SH3GL1: variants seen among roughly 807,000 people sequenced by gnomAD.
SH3GL1 encodes the protein endophilin-A2.
SH3GL1 carries 21 observed loss-of-function variants against 48.8 expected under a neutral mutation model. That is an observed-to-expected ratio of 0.43 (90% CI 0.30 to 0.62). The LOEUF is 0.62. Ranked by LOEUF, SH3GL1 falls within the 20% of genes least tolerant of loss-of-function variation. SH3GL1 has a pLI of 0.11. For missense variants in SH3GL1, 454 were observed against 503.0 expected, an observed-to-expected ratio of 0.90 and a Z score of 0.93; for synonymous variants, 282 against 217.5, an observed-to-expected ratio of 1.30 and a Z score of -2.61.
chr19:4,361,937 G>A, intron 9 of SH3GL1, 141 bp from the exon 10 acceptor site: 1 of 649,678 alleles, frequency 1.5e-6, no homozygotes, highest in Non-Finnish European at 2.7e-6. Context: ...CCCTGCCCCT[G>A]CCACTTCTGG....
At chr19:4,372,019 G>A (rs1367571967) in intron 1 of SH3GL1, among the ~76,000 whole-genome samples, 1 of 152,118 alleles carries the variant, frequency 6.6e-6, no homozygotes, top group Admixed American at 6.5e-5. Flanking sequence ...TCACTATGTT[G>A]CCCAGGCTGG....
chr19:4,365,142 G>A (rs537817469), intron 4 of SH3GL1, among the ~76,000 whole-genome samples: 2 of 152,032 alleles, frequency 1.3e-5, no homozygotes, highest in African/African-American at 4.8e-5. Flanking sequence ...CCTAAAATCC[G>A]AATCGATGCT....
Position 4,362,727 on chromosome 19 carries a change from T to A in SH3GL1, c.738A>T (p.Glu246Asp), listed in dbSNP as rs1360789872. The change falls in exon 8 of 10, where the codon GAA (glutamate) becomes GAT (aspartate). Residue 246 changes from glutamate to aspartate, a missense_variant. Physicochemically the swap from Glu to Asp is conservative, Grantham distance 45. Transcript: ENST00000269886. ...ACTCCCGCTTAGGGCGTGAGGAAGC[T>A]TCCCGCATCCTGTGAAGGGAGAGGC... is the stretch of plus-strand genomic sequence containing the variant. ...LAEKLKRRMR[E>D]ASSRPKREYK... 5 of 1,613,982 alleles carry A rather than the reference T, an allele frequency of 3.1e-6. No homozygotes were observed. The highest frequency in any genetic ancestry group is 3.3e-5 in the Admixed American group (2 of 60,028).
At position 4,376,823 on chromosome 19, in the gene SH3GL1, G is replaced by A. The variant is rs1328873971; in HGVS notation, c.46-9829C>T. On this transcript the variant is annotated intron_variant, in intron 1 of 9. Transcript: ENST00000269886. The surrounding 1 kb of genome is among the most constrained non-coding windows in gnomAD (Gnocchi z 4.3). ...GCATTCCTCTTGCTTGCTTGTTTTC[G>A]GGTCCCCTGCTGTCCCGTCTCAGAC... Among the ~76,000 whole-genome samples, 1 of 151,948 alleles carries A rather than the reference G, an allele frequency of 6.6e-6. No individual in the cohort carries two copies. The highest frequency in any genetic ancestry group is 1.5e-5 in the Non-Finnish European group (1 of 67,982).
intron 9 of SH3GL1, 136 bp from the exon 10 acceptor site, chr19:4,361,932 C>T: frequency 1.5e-6 from 1 of 656,304 alleles, no homozygotes; most frequent in African/African-American, 1.8e-5. Flanking sequence ...CCACCCCCTG[C>T]CCCTGCCACT....
chr19:4,395,535 A>C (rs1361556158), intron 1 of SH3GL1: 3 of 152,238 alleles, frequency 2.0e-5, no homozygotes, highest in African/African-American at 7.2e-5. Context: ...CAGGAAATAC[A>C]GGTGCTCACC....
chr19:4,383,376 A>T (rs1973174388), intron 1 of SH3GL1, among the ~76,000 whole-genome samples: 1 of 151,370 alleles, frequency 6.6e-6, no homozygotes, highest in East Asian at 1.9e-4. Context: ...CACCACACAG[A>T]GTTATTTTTT....
intron 2 of SH3GL1, 151 bp from the exon 3 acceptor site, chr19:4,366,724 G>A (rs1358918028): frequency 7.4e-6 from 7 of 946,892 alleles, no homozygotes; most frequent in Non-Finnish European, 1.2e-5. Context: ...TGTCCCCACA[G>A]CTGCCTGCCC....
At chr19:4,366,695 C>A in intron 2 of SH3GL1, 122 bp from the exon 3 acceptor site, 1 of 1,004,400 alleles carries the variant, frequency 1.0e-6, no homozygotes, top group Non-Finnish European at 1.5e-6. Context: ...ACCCCCTCTC[C>A]ATGTCTTCAG....
At chr19:4,382,589 G>A (rs1320324001) in intron 1 of SH3GL1, among the ~76,000 whole-genome samples, 1 of 152,110 alleles carries the variant, frequency 6.6e-6, no homozygotes, top group East Asian at 1.9e-4. Flanking sequence ...CCTTCTGATG[G>A]GACTGGGCCC....
At chr19:4,382,371 C>A (rs977870606) in intron 1 of SH3GL1, among the ~76,000 whole-genome samples, 1 of 150,788 alleles carries the variant, frequency 6.6e-6, no homozygotes, top group Non-Finnish European at 1.5e-5. Flanking sequence ...CATTCTCCTG[C>A]CTCAGCCTCC....
Position 4,400,519 on chromosome 19 carries a change from C to G in SH3GL1, c.-151G>C, listed in dbSNP as rs1167402823. On this transcript the variant is annotated 5_prime_UTR_variant, in exon 1 of 10. Coordinates refer to ENST00000269886, the MANE Select transcript of SH3GL1 (RefSeq NM_003025.4). The surrounding 1 kb of genome is among the most constrained non-coding windows in gnomAD (Gnocchi z 4.1). ...GCGCCCGCCCCGGCGCCGCCTCAGC[C>G]GCTCGCGCGCCCGCGCGGCCAGGAT... is the stretch of plus-strand genomic sequence containing the variant. The G allele has an allele frequency of 2.0e-6, 1 of 497,692 alleles. No homozygotes were observed. Among genetic ancestry groups the G allele is most frequent in the African/African-American group, 2.1e-5 (1 of 47,396 alleles). 30.8% of individuals were successfully genotyped at this position (497,692 alleles called of 1,614,324 possible).
chr19:4,365,749 C>G, intron 3 of SH3GL1, 124 bp from the exon 4 acceptor site: 1 of 1,357,656 alleles, frequency 7.4e-7, no homozygotes, highest in Non-Finnish European at 1.0e-6. Context: ...CTAGGCCACA[C>G]AAAGCACAGT....
At chr19:4,394,636 C>T (rs183578458) in intron 1 of SH3GL1, among the ~76,000 whole-genome samples, 165 of 152,286 alleles carry the variant, frequency 1.1e-3, no homozygotes, top group African/African-American at 3.8e-3. Context: ...TTATCACCAA[C>T]GAGAGATCAG....
chr19:4,399,172 T>C (rs1350233679), intron 1 of SH3GL1, among the ~76,000 whole-genome samples: 1 of 151,798 alleles, frequency 6.6e-6, no homozygotes, highest in African/African-American at 2.4e-5. Context: ...TTACAAAAAG[T>C]AGCCGGGCGT....
chr19:4,375,581 T>C (rs549358842), intron 1 of SH3GL1, among the ~76,000 whole-genome samples: 37 of 152,166 alleles, frequency 2.4e-4, no homozygotes, highest in African/African-American at 7.9e-4. Context: ...CATCCAAACA[T>C]GGAGATGCCA....
intron 1 of SH3GL1, among the ~76,000 whole-genome samples, chr19:4,385,162 C>T (rs1309745945): frequency 6.6e-6 from 1 of 151,654 alleles, no homozygotes; most frequent in Non-Finnish European, 1.5e-5. Flanking sequence ...ATCCTGTTGA[C>T]AGGCAGTGTG....
intron 1 of SH3GL1, among the ~76,000 whole-genome samples, chr19:4,385,531 T>C (rs1226471505): frequency 6.6e-6 from 1 of 152,142 alleles, no homozygotes. Context: ...AAGGTCTTTC[T>C]CCTGCCCTCC....
In SH3GL1 at chr19:4,367,688, G is replaced by A. The variant is rs1403889376; in HGVS notation, c.46-694C>T. Among the ~76,000 whole-genome samples the A allele has an allele frequency of 6.6e-6, 1 of 152,200 alleles. No individual in the cohort carries two copies. Among genetic ancestry groups the A allele is most frequent in the Non-Finnish European group, 1.5e-5 (1 of 68,044 alleles). ...ACAGGCACTTACAGCGTCTTTCCTC[G>A]TGTGGTGGGAAGGCAGAAGCAAGCA... is the stretch of plus-strand genomic sequence containing the variant. On this transcript the variant is annotated intron_variant, in intron 1 of 9. Transcript: ENST00000269886. The surrounding 1 kb of genome is among the most constrained non-coding windows in gnomAD (Gnocchi z 4.2).
Sources: gnomAD v4.1 joint callset for allele counts (sites outside exome capture counted in the v4.1 genomes callset) on GRCh38, gnomAD v4.1.1 for gene constraint, Gnocchi (gnomAD v3.1) non-coding constraint, MANE v1.5 for transcripts, NCBI Gene and HGNC (gene_info 2026-07-23, HGNC 2026-07-21) for gene names.